The following PITPNC1 variants were observed in gnomAD, a reference collection of about 807,000 sequenced individuals.
The protein encoded by PITPNC1 is phosphatidylinositol transfer protein cytoplasmic 1, also known as cytoplasmic phosphatidylinositol transfer protein 1.
Under a neutral mutation model 44.7 loss-of-function variants are expected in PITPNC1, and 18 were observed. The observed-to-expected ratio is 0.40, with a 90% CI of 0.28 to 0.60. PITPNC1 has a LOEUF of 0.60. Ranked by LOEUF, PITPNC1 falls within the 20% of genes least tolerant of loss-of-function variation. PITPNC1 has a pLI of 0.39. For synonymous variants in PITPNC1, 141 were observed against 149.6 expected (o/e 0.94, Z 0.42); for missense variants, 290 against 418.4 (o/e 0.69, Z 2.68).
In PITPNC1 at chr17:67,494,586, G is replaced by A. The variant is rs1012156861; in HGVS notation, c.49-38216G>A. 7.2e-5 allele frequency among the ~76,000 whole-genome samples: 11 copies of A among 152,258 alleles called. No individual in the cohort carries two copies. The South Asian group carries it at 2.3e-3, about 32-fold the overall frequency. Reference sequence around the variant, plus strand: ...AAATCCCCAGTGGTTTTGCTTGCTGGTGGTGGCCAGCACATTCGGAGATGG... The same window carrying A: ...AAATCCCCAGTGGTTTTGCTTGCTGATGGTGGCCAGCACATTCGGAGATGG... On this transcript the variant is annotated intron_variant, in intron 1 of 8. Transcript: ENST00000581322.
In PITPNC1 at chr17:67,693,453, G is replaced by C. The variant is rs915679661; in HGVS notation, c.*565G>C. On this transcript the variant is annotated 3_prime_UTR_variant, in exon 9 of 9. Coordinates refer to ENST00000581322, the MANE Select transcript of PITPNC1 (RefSeq NM_012417.4). Reference sequence around the variant, plus strand: ...AAATTTTAATCATCAAGCTATAGAGGCTCCAAGTGCAATTAATAATAACTC... The same window carrying C: ...AAATTTTAATCATCAAGCTATAGAGCCTCCAAGTGCAATTAATAATAACTC... 6.6e-6 allele frequency: 1 copy of C among 152,584 alleles called. No individual in the cohort carries two copies. Among genetic ancestry groups the C allele is most frequent in the African/African-American group, 2.4e-5 (1 of 41,408 alleles). 9.5% of individuals were successfully genotyped at this position (152,584 alleles called of 1,614,324 possible).
intron 1 of PITPNC1, among the ~76,000 whole-genome samples, chr17:67,463,845 T>C (rs981288274): frequency 2.0e-5 from 3 of 151,662 alleles, no homozygotes; most frequent in African/African-American, 7.3e-5. Context: ...AGGCAGAGCT[T>C]GCAGCACCAC....
intron 1 of PITPNC1, among the ~76,000 whole-genome samples, chr17:67,511,861 T>G (rs1393957193): frequency 6.6e-6 from 1 of 152,216 alleles, no homozygotes; most frequent in African/African-American, 2.4e-5. Context: ...TGTTTTAGTT[T>G]ACATTTTAAA....
chr17:67,470,373 T>C (rs1367273292), intron 1 of PITPNC1, among the ~76,000 whole-genome samples: 1 of 152,178 alleles, frequency 6.6e-6, no homozygotes, highest in Non-Finnish European at 1.5e-5. Context: ...CCTTGTGACT[T>C]TTAGCTGTCA....
chr17:67,580,198 A>G lies in PITPNC1; in HGVS notation c.366+1941A>G, dbSNP rs369862666. Among the ~76,000 whole-genome samples, 147 of 152,214 alleles carry G rather than the reference A, an allele frequency of 9.7e-4. No individual in the cohort carries two copies. The Middle Eastern group carries it at 0.014, about 14-fold the overall frequency. On this transcript the variant is annotated intron_variant, in intron 5 of 8. Coordinates refer to ENST00000581322, the MANE Select transcript of PITPNC1 (RefSeq NM_012417.4). ...TTTTCCTGGCTGTACCACCTTCCAT[A>G]TTTCAGTGTACTTCTTTAAACAATT... is the stretch of plus-strand genomic sequence containing the variant.
intron 1 of PITPNC1, among the ~76,000 whole-genome samples, chr17:67,512,541 G>A (rs1052533548): frequency 4.7e-5 from 7 of 150,226 alleles, no homozygotes; most frequent in East Asian, 1.9e-4. Context: ...ACTTGGAGCC[G>A]GAAGATCAGA....
At chr17:67,482,825 C>A (rs939830942) in intron 1 of PITPNC1, among the ~76,000 whole-genome samples, 2 of 152,160 alleles carry the variant, frequency 1.3e-5, no homozygotes, top group Non-Finnish European at 2.9e-5. Context: ...CTGGGAAGAA[C>A]TTTAAAAATT....
At chr17:67,483,426 G>A (rs1598728946) in intron 1 of PITPNC1, among the ~76,000 whole-genome samples, 1 of 152,088 alleles carries the variant, frequency 6.6e-6, no homozygotes, top group African/African-American at 2.4e-5. Context: ...TCTGAGTGTT[G>A]GATTTTCACT....
chr17:67,395,424 C>A (rs1302096639), intron 1 of PITPNC1, among the ~76,000 whole-genome samples: 2 of 152,154 alleles, frequency 1.3e-5, no homozygotes, highest in Non-Finnish European at 2.9e-5. Context: ...GCTGGGATTA[C>A]AGGTGAGAGC....
rs1316855814 is a variant in PITPNC1, at chr17:67,696,466, T to C, written c.*3578T>C. 3 of 152,242 alleles carry C rather than the reference T, an allele frequency of 2.0e-5. 1 individual carries two copies. In the East Asian group the frequency reaches 5.8e-4, roughly 29 times the overall value. The allele number at this position is 152,242 out of a possible 1,614,324, so 9.4% of individuals were successfully genotyped here. A position where few individuals can be genotyped will look rare whatever the true frequency, so the allele number is the denominator to read the frequency against. On this transcript the variant is annotated 3_prime_UTR_variant, in exon 9 of 9. Coordinates refer to ENST00000581322, the MANE Select transcript of PITPNC1 (RefSeq NM_012417.4). Reference sequence around the variant, plus strand: ...TATAGCTGACTCTACATATAATGTGTAATCAGATAATCCAATAGAGAGGAA... The same window carrying C: ...TATAGCTGACTCTACATATAATGTGCAATCAGATAATCCAATAGAGAGGAA...
At chr17:67,560,509 G>A (rs1158645464) in intron 4 of PITPNC1, among the ~76,000 whole-genome samples, 1 of 152,194 alleles carries the variant, frequency 6.6e-6, no homozygotes, top group African/African-American at 2.4e-5. Context: ...ACGTTGGGAT[G>A]GCAGTGGGTT....
chr17:67,398,049 C>T (rs541809822), intron 1 of PITPNC1, among the ~76,000 whole-genome samples: 2 of 150,540 alleles, frequency 1.3e-5, no homozygotes, highest in South Asian at 4.2e-4. Flanking sequence ...GCCGAGATCG[C>T]GCCACTGCAC....
At chr17:67,669,872 G>T in intron 7 of PITPNC1, among the ~76,000 whole-genome samples, 1 of 152,078 alleles carries the variant, frequency 6.6e-6, no homozygotes, top group East Asian at 1.9e-4. Flanking sequence ...AAGAGTTCAA[G>T]ACCGGCCTGG....
At chr17:67,447,948 C>G (rs1215572550) in intron 1 of PITPNC1, among the ~76,000 whole-genome samples, 1 of 151,152 alleles carries the variant, frequency 6.6e-6, no homozygotes, top group African/African-American at 2.4e-5. Context: ...TTCCTTCCTT[C>G]CTTCTTTCTT....
intron 4 of PITPNC1, among the ~76,000 whole-genome samples, chr17:67,567,830 A>C: frequency 6.6e-6 from 1 of 151,938 alleles, no homozygotes; most frequent in African/African-American, 2.4e-5. Flanking sequence ...AAAATTAGCT[A>C]GGTATGGTGG....
rs1469343583 is a variant in PITPNC1 at position 67,599,022 on chromosome 17, ATATATATATATATT to A, written c.366+20767_366+20780del. Among the ~76,000 whole-genome samples, 11 of 41,804 alleles carry A rather than the reference ATATATATATATATT, an allele frequency of 2.6e-4. 1 individual carries two copies. The highest frequency in any genetic ancestry group is 5.5e-4 in the Admixed American group (2 of 3,640). The allele number at this position is 41,804 out of a possible 152,430, so 27.4% of individuals were successfully genotyped here. On this transcript the variant is annotated intron_variant, in intron 5 of 8. Transcript: ENST00000581322. ...AATACATATATATATATATATATAT[ATATATATATATATT>A]TTTTTTTTTTTTTTTTTTACCATGT... is the stretch of plus-strand genomic sequence containing the variant.
intron 1 of PITPNC1, among the ~76,000 whole-genome samples, chr17:67,394,249 A>G (rs2038181713): frequency 6.6e-6 from 1 of 152,124 alleles, no homozygotes; most frequent in South Asian, 2.1e-4. Context: ...GGCTGGTCTC[A>G]AACTCCTAGG....
chr17:67,609,465 T>G (rs913147508), intron 5 of PITPNC1, among the ~76,000 whole-genome samples: 1 of 151,890 alleles, frequency 6.6e-6, no homozygotes, highest in East Asian at 1.9e-4. Context: ...AACTTTTGTA[T>G]TCTTAATAGA....
intron 5 of PITPNC1, among the ~76,000 whole-genome samples, chr17:67,622,258 A>C (rs1315205756): frequency 1.4e-5 from 2 of 147,612 alleles, no homozygotes; most frequent in Admixed American, 6.8e-5. Flanking sequence ...CTGCATCTCA[A>C]AAAAAAAAAA....
Sources: gnomAD v4.1 joint callset for allele counts (sites outside exome capture counted in the v4.1 genomes callset) on GRCh38, gnomAD v4.1.1 for gene constraint, MANE v1.5 for transcripts, NCBI Gene and HGNC (gene_info 2026-07-23, HGNC 2026-07-21) for gene names.